Variants in CEP63 observed in about 807,000 individuals in gnomAD.
CEP63 encodes the protein centrosomal protein of 63 kDa.
Under a neutral mutation model 89.1 loss-of-function variants are expected in CEP63, and 84 were observed. That is an observed-to-expected ratio of 0.94 (90% CI 0.79 to 1.13). CEP63 has a LOEUF of 1.13. Among genes scored for constraint, CEP63 ranks in the 50% most tolerant of loss-of-function variants. The pLI is 0.00. For missense variants in CEP63, 838 were observed against 813.3 expected (o/e 1.03, Z -0.37); for synonymous variants, 267 against 272.5 (o/e 0.98, Z 0.20).
At chr3:134,718,771 C>T in the CEP63 span, among the ~76,000 whole-genome samples, 5 of 152,176 alleles carry the variant, frequency 3.3e-5, no homozygotes, top group Admixed American at 6.5e-5. Flanking sequence ...TTGTGGCTCC[C>T]ACATCTGAGC....
the CEP63 span, among the ~76,000 whole-genome samples, chr3:134,656,184 G>A: frequency 6.6e-6 from 1 of 152,160 alleles, no homozygotes; most frequent in South Asian, 2.1e-4. Flanking sequence ...CCAGAGAGGA[G>A]GGGCCAGGAA....
the CEP63 span, among the ~76,000 whole-genome samples, chr3:134,688,461 C>G: frequency 2.6e-5 from 4 of 152,214 alleles, no homozygotes; most frequent in African/African-American, 4.8e-5. Flanking sequence ...GACGGTTGTA[C>G]AGTGCCATAA....
the CEP63 span, among the ~76,000 whole-genome samples, chr3:134,692,740 T>G: frequency 6.6e-6 from 1 of 152,190 alleles, no homozygotes; most frequent in Non-Finnish European, 1.5e-5. Flanking sequence ...CACAGACGTG[T>G]GCACATTCAG....
chr3:134,644,189 C>G, the CEP63 span, among the ~76,000 whole-genome samples: 2 of 152,122 alleles, frequency 1.3e-5, no homozygotes, highest in African/African-American at 2.4e-5. Context: ...GCCTAGGAGA[C>G]GGGATGATGT....
At chr3:134,526,831 G>T (rs1357642781) in intron 3 of CEP63, among the ~76,000 whole-genome samples, 2 of 151,910 alleles carry the variant, frequency 1.3e-5, no homozygotes, top group African/African-American at 2.4e-5. Flanking sequence ...GTAGTATAAG[G>T]TGGATTCAGC....
the CEP63 span, among the ~76,000 whole-genome samples, chr3:134,650,327 G>A: frequency 6.6e-6 from 1 of 152,208 alleles, no homozygotes; most frequent in African/African-American, 2.4e-5. Flanking sequence ...CTGGGAGAAA[G>A]TCTCAAGAAA....
intron 3 of CEP63, among the ~76,000 whole-genome samples, chr3:134,530,452 TAATA>T: frequency 6.6e-6 from 1 of 152,350 alleles, no homozygotes; most frequent in African/African-American, 2.4e-5. Flanking sequence ...GTTGAGAGCT[TAATA>T]CTTTTTACAA....
chr3:134,730,928 TA>T, the CEP63 span, among the ~76,000 whole-genome samples: 4 of 151,944 alleles, frequency 2.6e-5, no homozygotes, highest in Non-Finnish European at 5.9e-5. Context: ...CATGAAAAGG[TA>T]AAAAATAAAA....
the CEP63 span, among the ~76,000 whole-genome samples, chr3:134,680,082 G>A: frequency 6.6e-6 from 1 of 152,130 alleles, no homozygotes; most frequent in Non-Finnish European, 1.5e-5. Flanking sequence ...CACACAGAAG[G>A]AAGATCATGT....
intron 10 of CEP63, among the ~76,000 whole-genome samples, chr3:134,582,487 T>A (rs111772844): frequency 1.1e-4 from 16 of 152,328 alleles, no homozygotes; most frequent in African/African-American, 3.6e-4. Flanking sequence ...GCTTCATCCA[T>A]GTCCCTGCAA....
At chr3:134,607,427 G>T in the CEP63 span, 119 of 985,624 alleles carry the variant, frequency 1.2e-4, 1 homozygote, top group South Asian at 4.5e-3. Flanking sequence ...CCACCCACAG[G>T]CACCCTGTGC....
At chr3:134,781,625 G>A in the CEP63 span, among the ~76,000 whole-genome samples, 1 of 152,200 alleles carries the variant, frequency 6.6e-6, no homozygotes, top group Non-Finnish European at 1.5e-5. Context: ...ACCTGTACAT[G>A]TACTCCTGGA....
the CEP63 span, among the ~76,000 whole-genome samples, chr3:134,772,788 C>T: frequency 3.2e-4 from 48 of 152,308 alleles, 1 homozygote; most frequent in East Asian, 6.8e-3. Flanking sequence ...AGTTTGACTG[C>T]TCCCAAGAGG....
chr3:134,750,811 G>T, the CEP63 span, among the ~76,000 whole-genome samples: 144,864 of 152,298 alleles, frequency 0.95, 69,326 homozygotes, highest in East Asian at 1. Context: ...AACCAACAGA[G>T]TCTCCAGAGA....
the CEP63 span, among the ~76,000 whole-genome samples, chr3:134,764,047 C>T: frequency 7.9e-5 from 12 of 152,298 alleles, no homozygotes; most frequent in African/African-American, 2.9e-4. Context: ...TTTCTAAGAG[C>T]AAACTGTACA....
chr3:134,772,918 G>C, the CEP63 span, among the ~76,000 whole-genome samples: 1 of 152,320 alleles, frequency 6.6e-6, no homozygotes, highest in Non-Finnish European at 1.5e-5. Context: ...TTTGGCTTCT[G>C]GTAGGTTGGG....
At chr3:134,685,993 T>TTAG in the CEP63 span, among the ~76,000 whole-genome samples, 5 of 152,214 alleles carry the variant, frequency 3.3e-5, no homozygotes, top group African/African-American at 1.2e-4. Context: ...AAACACTGAC[T>TTAG]TGCTCCAAGT....
At chr3:134,689,266 G>C in the CEP63 span, among the ~76,000 whole-genome samples, 5 of 150,970 alleles carry the variant, frequency 3.3e-5, no homozygotes, top group Non-Finnish European at 7.4e-5. Flanking sequence ...CCTAAACTAG[G>C]AGAAAAGAAA....
At chr3:134,548,978 A>G (rs1280147044) in intron 9 of CEP63, 84 bp from the exon 10 acceptor site, 1 of 790,296 alleles carries the variant, frequency 1.3e-6, no homozygotes, top group Non-Finnish European at 2.3e-6. Context: ...TATTTTTTGG[A>G]TATCAAGAAT....
Sources: gnomAD v4.1 joint callset for allele counts (sites outside exome capture counted in the v4.1 genomes callset) on GRCh38, gnomAD v4.1.1 for gene constraint, MANE v1.5 for transcripts, NCBI Gene and HGNC (gene_info 2026-07-23, HGNC 2026-07-21) for gene names.